Variants in SLC30A6 observed in about 807,000 individuals in gnomAD.
SLC30A6 encodes zinc transporter 6.
A neutral mutation model predicts 63.0 loss-of-function variants in SLC30A6; 55 were observed. The ratio of observed to expected loss-of-function variants is 0.87; its 90% CI spans 0.70 to 1.09. The LOEUF is 1.09. Ranked by LOEUF, SLC30A6 falls within the 50% of genes least tolerant of loss-of-function variation. The pLI is 0.00. For synonymous variants in SLC30A6, 224 were observed against 186.1 expected (o/e 1.20, Z -1.66); for missense variants, 587 against 549.2 (o/e 1.07, Z -0.69).
At chr2:32,172,103 G>A (rs913693921) in intron 2 of SLC30A6, among the ~76,000 whole-genome samples, 4 of 152,170 alleles carry the variant, frequency 2.6e-5, no homozygotes, top group African/African-American at 9.7e-5. Flanking sequence ...TCTAGTTACT[G>A]TGTTTCATGC....
chr2:32,212,789 G>A (rs1351555704), intron 13 of SLC30A6, among the ~76,000 whole-genome samples: 5 of 150,134 alleles, frequency 3.3e-5, no homozygotes, highest in African/African-American at 1.2e-4. Flanking sequence ...GTAGAAACAG[G>A]GTTTCACCAT....
chr2:32,174,187 C>G (rs781363536), intron 3 of SLC30A6, 40 bp downstream of exon 3: 1 of 1,471,256 alleles, frequency 6.8e-7, no homozygotes, highest in Admixed American at 1.8e-5. Flanking sequence ...GTTATTTTTA[C>G]TTTTATTTTT....
intron 4 of SLC30A6, among the ~76,000 whole-genome samples, chr2:32,179,633 A>C (rs1343611898): frequency 6.6e-6 from 1 of 152,206 alleles, no homozygotes; most frequent in Admixed American, 6.5e-5. Flanking sequence ...TAGACAATAA[A>C]ATCAAAGCAT....
At position 32,209,696 on chromosome 2, in the gene SLC30A6, A is replaced by G. The variant is rs553747370; in HGVS notation, c.885+135A>G. The G allele has an allele frequency of 3.8e-5, 27 of 707,716 alleles. No individual in the cohort carries two copies. In the African/African-American group the frequency reaches 4.8e-4, roughly 13 times the overall value. The allele number at this position is 707,716 out of a possible 1,614,324, so 43.8% of individuals were successfully genotyped here. A position where few individuals can be genotyped will look rare whatever the true frequency, so the allele number is the denominator to read the frequency against. ...TTATGTTAAGCAGAGTCTAAAATGT[A>G]CATGAATTCAATTACCTAATTGAGG... On this transcript the variant is annotated intron_variant, in intron 13 of 13. Coordinates refer to ENST00000282587, the MANE Select transcript of SLC30A6 (RefSeq NM_017964.5).
chr2:32,208,822 C>T (rs1258029459), intron 12 of SLC30A6, among the ~76,000 whole-genome samples: 1 of 152,152 alleles, frequency 6.6e-6, no homozygotes, highest in Non-Finnish European at 1.5e-5. Flanking sequence ...CCTAGACTTT[C>T]TTTTAAGTTG....
At chr2:32,219,206 G>A (rs1456469713) in intron 13 of SLC30A6, among the ~76,000 whole-genome samples, 1 of 151,560 alleles carries the variant, frequency 6.6e-6, no homozygotes, top group Non-Finnish European at 1.5e-5. Flanking sequence ...GCTAATTTTT[G>A]TATTTTTAGT....
At chr2:32,168,272 T>G (rs1333239546) in intron 1 of SLC30A6, among the ~76,000 whole-genome samples, 1 of 151,942 alleles carries the variant, frequency 6.6e-6, no homozygotes, top group African/African-American at 2.4e-5. Context: ...CACTATATCT[T>G]TATGCTTGAA....
chr2:32,166,042 GCTGT>G (rs956866438), intron 1 of SLC30A6, 139 bp downstream of exon 1: 1 of 1,254,886 alleles, frequency 8.0e-7, no homozygotes, highest in African/African-American at 1.5e-5. Flanking sequence ...GGCAGGAGCG[GCTGT>G]CTCCCAAAAT....
intron 13 of SLC30A6, among the ~76,000 whole-genome samples, chr2:32,216,126 A>C (rs1453145014): frequency 6.6e-6 from 1 of 152,196 alleles, no homozygotes; most frequent in Non-Finnish European, 1.5e-5. Context: ...TTCTTTGAGA[A>C]ATCTTCAAAC....
At chr2:32,172,723 GTGCTGCCTA>G (rs1681349726) in intron 2 of SLC30A6, among the ~76,000 whole-genome samples, 5 of 108,126 alleles carry the variant, frequency 4.6e-5, no homozygotes, top group African/African-American at 1.7e-4. Context: ...TGCCTATTAA[GTGCTGCCTA>G]TTAGTGCTCT....
Position 32,165,875 on chromosome 2 carries a change from C to A in SLC30A6, c.-26C>A, listed in dbSNP as rs1458196837. ...AAACTCGAGCACCCAGAACGGCTTC[C>A]GGCGGGAGCTGTGCAGCTCCTTATC... On this transcript the variant is annotated 5_prime_UTR_variant, in exon 1 of 14. Transcript: ENST00000282587. 1.2e-6 allele frequency: 2 copies of A among 1,613,986 alleles called. No individual in the cohort carries two copies. Among genetic ancestry groups the A allele is most frequent in the South Asian group, 2.2e-5 (2 of 91,064 alleles).
chr2:32,215,987 G>A (rs1206866683), intron 13 of SLC30A6, among the ~76,000 whole-genome samples: 1 of 152,166 alleles, frequency 6.6e-6, no homozygotes, highest in African/African-American at 2.4e-5. Context: ...TTGATGCCAT[G>A]CCTTTGCTGT....
chr2:32,202,972 CG>C, intron 10 of SLC30A6: 1 of 1,138,124 alleles, frequency 8.8e-7, no homozygotes, highest in Non-Finnish European at 1.3e-6. Context: ...TCTGAAGGGA[CG>C]GCTATTATTT....
At chr2:32,175,287 A>G (rs1394031121) in intron 3 of SLC30A6, 32 bp from the exon 4 acceptor site, 1 of 1,602,404 alleles carries the variant, frequency 6.2e-7, no homozygotes, top group South Asian at 1.1e-5. Flanking sequence ...GGGGTCAGTA[A>G]TACTTTTAAT....
chr2:32,182,414 A>G (rs1288475635), intron 4 of SLC30A6, among the ~76,000 whole-genome samples: 2 of 152,230 alleles, frequency 1.3e-5, no homozygotes, highest in Admixed American at 6.5e-5. Context: ...GAACCCTGTC[A>G]TGATGAGTGT....
At position 32,206,945 on chromosome 2, in the gene SLC30A6, T is replaced by C. The variant is rs1198890200; in HGVS notation, c.816+12T>C. Reference sequence around the variant, plus strand: ...AACTCATCAGAGAGGTAAGATGGAATAGTAAATAAAATCATTTTATTTTAT... The same window carrying C: ...AACTCATCAGAGAGGTAAGATGGAACAGTAAATAAAATCATTTTATTTTAT... On this transcript the variant is annotated intron_variant, in intron 12 of 13. Transcript: ENST00000282587. 1 of 1,595,292 alleles carries C rather than the reference T, an allele frequency of 6.3e-7. No individual in the cohort carries two copies.
intron 5 of SLC30A6, among the ~76,000 whole-genome samples, chr2:32,192,132 T>A (rs1374468919): frequency 6.6e-6 from 1 of 152,094 alleles, no homozygotes; most frequent in Admixed American, 6.6e-5. Flanking sequence ...CTAGGAATTG[T>A]ACAAATAGGT....
At chr2:32,188,447 G>T (rs184880678) in intron 5 of SLC30A6, among the ~76,000 whole-genome samples, 2 of 152,118 alleles carry the variant, frequency 1.3e-5, no homozygotes, top group African/African-American at 4.8e-5. Flanking sequence ...TAATCCCAGC[G>T]CTTTGGGAGG....
intron 5 of SLC30A6, 143 bp from the exon 6 acceptor site, chr2:32,192,193 A>G: frequency 1.7e-6 from 1 of 600,776 alleles, no homozygotes. Context: ...TAGAAACCCT[A>G]ATCTGCTCTA....
Sources: gnomAD v4.1 joint callset for allele counts (sites outside exome capture counted in the v4.1 genomes callset) on GRCh38, gnomAD v4.1.1 for gene constraint, MANE v1.5 for transcripts, NCBI Gene and HGNC (gene_info 2026-07-23, HGNC 2026-07-21) for gene names.